The following IZUMO4 variants were observed in gnomAD, a reference collection of about 807,000 sequenced individuals.
IZUMO4 encodes the protein IZUMO family member 4, also known as izumo sperm-egg fusion protein 4.
IZUMO4 carries 51 observed loss-of-function variants against 37.1 expected under a neutral mutation model. The ratio of observed to expected loss-of-function variants is 1.38; its 90% CI spans 1.10 to 1.74. IZUMO4 has a LOEUF of 1.74. IZUMO4 is among the 40% of genes most tolerant of loss of function. IZUMO4 has a pLI of 0.00. For synonymous variants in IZUMO4, 162 were observed against 121.4 expected (o/e 1.33, Z -2.20); for missense variants, 364 against 299.6 (o/e 1.21, Z -1.59).
intron 9 of IZUMO4, 43 bp from the exon 10 acceptor site, chr19:2,099,212 G>A: frequency 1.3e-6 from 2 of 1,559,116 alleles, no homozygotes; most frequent in Non-Finnish European, 1.8e-6. Context: ...GGAGGCAGGG[G>A]GTGGGGGACA....
chr19:2,098,257 G>A (rs1184061691), intron 5 of IZUMO4, 30 bp from the exon 6 acceptor site: 16 of 1,613,496 alleles, frequency 9.9e-6, no homozygotes, highest in East Asian at 2.2e-5. Context: ...GGGTTCAGGG[G>A]CGCACCACTT....
chr19:2,098,901 G>A (rs185411014), intron 8 of IZUMO4, 75 bp from the exon 9 acceptor site: 629 of 1,581,084 alleles, frequency 4.0e-4, no homozygotes, highest in Middle Eastern at 5.0e-4. Context: ...ACTGCAGGTG[G>A]GGCTCTCCCT....
chr19:2,098,149 C>A, intron 5 of IZUMO4, 22 bp downstream of exon 5: 1 of 1,612,746 alleles, frequency 6.2e-7, no homozygotes. Context: ...GCATCACACC[C>A]ACCCGTGCCA....
Position 2,099,472 on chromosome 19 carries a change from T to G in IZUMO4, c.*127T>G. The G allele has an allele frequency of 1.0e-4, 39 of 371,798 alleles. No homozygotes were observed. Among genetic ancestry groups the G allele is most frequent in the Middle Eastern group, 9.0e-4 (1 of 1,108 alleles). 23.0% of individuals were successfully genotyped at this position (371,798 alleles called of 1,614,324 possible). A position where few individuals can be genotyped will look rare whatever the true frequency, so the allele number is the denominator to read the frequency against. ...TCTCCGACCCCGGACAGAGCTGAGC[T>G]GGCCAGGGCCAGGAGGGCGGGAGGG... On this transcript the variant is annotated 3_prime_UTR_variant, in exon 10 of 10. Coordinates refer to ENST00000395301, the MANE Select transcript of IZUMO4 (RefSeq NM_001039846.2).
chr19:2,098,726 G>T (rs976961034), intron 7 of IZUMO4, 61 bp from the exon 8 acceptor site: 3 of 1,600,032 alleles, frequency 1.9e-6, no homozygotes, highest in Non-Finnish European at 2.6e-6. Context: ...GCCTGGGAGG[G>T]TTCCCTACGA....
At chr19:2,098,848 G>C (rs2017809358) in intron 8 of IZUMO4, 44 bp downstream of exon 8, 2 of 1,560,506 alleles carry the variant, frequency 1.3e-6, no homozygotes. Flanking sequence ...GGGGTAAAGG[G>C]AGAGAGGAGG....
rs2017758715 is a variant in IZUMO4 at position 2,097,942 on chromosome 19, T to C, written c.384T>C (p.Cys128=). ...QNAIIESRID[C]QHRCGIFQYE... Reference sequence around the variant, plus strand: ...GCCCTCCCACAGGCCGCATCGACTGTCAGCACCGCTGTGGTAAGCAAGGCT... The same window carrying C: ...GCCCTCCCACAGGCCGCATCGACTGCCAGCACCGCTGTGGTAAGCAAGGCT... The change falls in exon 4 of 10, where the codon TGT becomes TGC. Residue 128 remains cysteine, a synonymous_variant. Coordinates refer to ENST00000395301, the MANE Select transcript of IZUMO4 (RefSeq NM_001039846.2). 1.9e-6 allele frequency: 3 copies of C among 1,612,992 alleles called. No homozygotes were observed. The African/African-American group carries it at 4.0e-5, about 22-fold the overall frequency.
Position 2,098,803 on chromosome 19 carries a change from A to G in IZUMO4, c.553A>G (p.Arg185Gly). The G allele has an allele frequency of 5.0e-6, 8 of 1,592,626 alleles. No individual in the cohort carries two copies. The highest frequency in any genetic ancestry group is 6.0e-6 in the Non-Finnish European group (7 of 1,170,716). Reference protein sequence around the residue: ...NNWHKQDTSMRPRSSAFSWPG... With the variant: ...NNWHKQDTSMGPRSSAFSWPG... ...GCCTTTCAGACAGGACACGAGCATG[A>G]GGTAAGGCCGCCCTGACCTGGACTT... The change falls in exon 8 of 10, where the codon AGA becomes GGA. Residue 185 changes from arginine to glycine, a missense_variant and splice_region_variant. Physicochemically the swap from Arg to Gly is moderately radical, Grantham distance 125. Transcript: ENST00000395301.
Position 2,097,545 on chromosome 19 carries a change from G to C in IZUMO4, c.370+50G>C, listed in dbSNP as rs760687686. On this transcript the variant is annotated intron_variant, in intron 3 of 9. Coordinates refer to ENST00000395301, the MANE Select transcript of IZUMO4 (RefSeq NM_001039846.2). ...GGGAGGTGTTGCCCAGAGCCTCGGA[G>C]ACCCACGGGGCTTGGCTGAGGCTGG... 3.3e-6 allele frequency: 5 copies of C among 1,508,122 alleles called. No individual in the cohort carries two copies. The East Asian group carries it at 9.0e-5, about 27-fold the overall frequency. 93.4% of individuals were successfully genotyped at this position (1,508,122 alleles called of 1,614,324 possible). A position where few individuals can be genotyped will look rare whatever the true frequency, so the allele number is the denominator to read the frequency against.
chr19:2,098,806 T>G lies in IZUMO4; in HGVS notation c.554+2T>G, dbSNP rs1319949395. 1 of 1,591,224 alleles carries G rather than the reference T, an allele frequency of 6.3e-7. No individual in the cohort carries two copies. The highest frequency in any genetic ancestry group is 1.4e-5 in the African/African-American group (1 of 72,350). ...TTTCAGACAGGACACGAGCATGAGG[T>G]AAGGCCGCCCTGACCTGGACTTCAG... On this transcript the variant is annotated splice_donor_variant, in intron 8 of 9. Coordinates refer to ENST00000395301, the MANE Select transcript of IZUMO4 (RefSeq NM_001039846.2). LOFTEE classifies it high-confidence loss of function.
chr19:2,099,573 C>T lies in IZUMO4; in HGVS notation c.*228C>T, dbSNP rs1350289149. ...GAGCTGCGGGATGTGATTAAAGTCC[C>T]TGATGTTTCTCTTTGCAGAAGAGTT... On this transcript the variant is annotated 3_prime_UTR_variant, in exon 10 of 10. Transcript: ENST00000395301. 11 of 567,346 alleles carry T rather than the reference C, an allele frequency of 1.9e-5. No individual in the cohort carries two copies. Among genetic ancestry groups the T allele is most frequent in the Non-Finnish European group, 3.5e-5 (11 of 315,064 alleles). The allele number at this position is 567,346 out of a possible 1,614,324, so 35.1% of individuals were successfully genotyped here.
chr19:2,097,964 G>A lies in IZUMO4; in HGVS notation c.397+9G>A, dbSNP rs532479584. The A allele has an allele frequency of 6.2e-7, 1 of 1,613,244 alleles. No individual in the cohort carries two copies. The highest frequency in any genetic ancestry group is 1.3e-5 in the African/African-American group (1 of 75,066). ...CTGTCAGCACCGCTGTGGTAAGCAAGGCTCCGTCCAGGCTGAGGGGCGTGC... is the reference window on the plus strand; with the variant it reads ...CTGTCAGCACCGCTGTGGTAAGCAAAGCTCCGTCCAGGCTGAGGGGCGTGC... On this transcript the variant is annotated intron_variant, in intron 4 of 9. Coordinates refer to ENST00000395301, the MANE Select transcript of IZUMO4 (RefSeq NM_001039846.2).
Position 2,098,136 on chromosome 19 carries a change from C to G in IZUMO4, c.473+9C>G. Reference sequence around the variant, plus strand: ...TTTGGCTATAACTGCGAGTAGGGCTCAGGCATCACACCCACCCGTGCCAGG... The same window carrying G: ...TTTGGCTATAACTGCGAGTAGGGCTGAGGCATCACACCCACCCGTGCCAGG... On this transcript the variant is annotated intron_variant, in intron 5 of 9. Transcript: ENST00000395301. The G allele has an allele frequency of 6.2e-7, 1 of 1,613,466 alleles. No homozygotes were observed. Among genetic ancestry groups the G allele is most frequent in the Non-Finnish European group, 8.5e-7 (1 of 1,179,934 alleles).
At position 2,099,550 on chromosome 19, in the gene IZUMO4, G is replaced by C; in HGVS notation, c.*205G>C. The stretch of plus-strand genomic sequence containing the variant: ...ATCAGCGCCTGGGCAGGTCCGCAGA[G>C]CTGCGGGATGTGATTAAAGTCCCTG... On this transcript the variant is annotated 3_prime_UTR_variant, in exon 10 of 10. Coordinates refer to ENST00000395301, the MANE Select transcript of IZUMO4 (RefSeq NM_001039846.2). 1 of 583,810 alleles carries C rather than the reference G, an allele frequency of 1.7e-6. No homozygotes were observed. The allele number at this position is 583,810 out of a possible 1,614,324, so 36.2% of individuals were successfully genotyped here.
Position 2,098,332 on chromosome 19 carries a change from CAT to C in IZUMO4, c.520_521del (p.Ile174LysfsTer2). On this transcript the variant is annotated frameshift_variant and splice_region_variant, in exon 6 of 10. Transcript: ENST00000395301. LOFTEE classifies it high-confidence loss of function. The stretch of plus-strand genomic sequence containing the variant: ...CAGCTGTCCAGGGCCTCCTGAACTA[CAT>C]GTGAGTGGGGTCTTTGGGTGGCAGC... ...KSAVQGLLNY[I>X]NNWHKQDTSM... is the part of the protein sequence containing the mutation. The C allele has an allele frequency of 1.2e-6, 2 of 1,614,046 alleles. No homozygotes were observed. The highest frequency in any genetic ancestry group is 1.7e-6 in the Non-Finnish European group (2 of 1,180,020).
Position 2,097,112 on chromosome 19 carries a change from GGA to G in IZUMO4, c.169_170del (p.Ser57ArgfsTer99). 6.2e-7 allele frequency: 1 copy of G among 1,612,632 alleles called. No individual in the cohort carries two copies. On this transcript the variant is annotated frameshift_variant, in exon 1 of 10. Transcript: ENST00000395301. LOFTEE classifies it high-confidence loss of function. ...GTGTCAGGGGCGCTGCTCACCGACT[GGA>G]GCGACGACACGATGAAGGAGCTGCA...
intron 2 of IZUMO4, 42 bp downstream of exon 2, chr19:2,097,374 A>T: frequency 7.5e-6 from 6 of 801,364 alleles, no homozygotes; most frequent in African/African-American, 1.8e-5. Context: ...CCACCCCGGG[A>T]CACCCCGCCC....
At position 2,096,992 on chromosome 19, in the gene IZUMO4, A is replaced by G; in HGVS notation, c.47A>G (p.His16Arg). Residue 16 changes from histidine to arginine, a missense_variant, in exon 1 of 10, where the codon CAC (histidine) becomes CGC (arginine). By Grantham distance (29) the His-to-Arg change is conservative (BLOSUM62 0). Transcript: ENST00000395301. ...GTGTGCCTGACGGCGGCGCTGGCCC[A>G]CGGCTGTCTGCACTGCCACAGCAAC... Reference protein sequence around the residue: ...CLVCLTAALAHGCLHCHSNFS... With the variant: ...CLVCLTAALARGCLHCHSNFS... 1 of 1,610,160 alleles carries G rather than the reference A, an allele frequency of 6.2e-7. No homozygotes were observed. The highest frequency in any genetic ancestry group is 1.1e-5 in the South Asian group (1 of 91,082).
At chr19:2,097,601 C>T (rs1184127129) in intron 3 of IZUMO4, 106 bp downstream of exon 3, 3 of 1,036,986 alleles carry the variant, frequency 2.9e-6, no homozygotes, top group Non-Finnish European at 3.0e-6. Context: ...TGGCACCAGG[C>T]AGCTGGGGAG....
Sources: gnomAD v4.1 joint callset for allele counts on GRCh38, gnomAD v4.1.1 for gene constraint, MANE v1.5 for transcripts, NCBI Gene and HGNC (gene_info 2026-07-23, HGNC 2026-07-21) for gene names.